The following TLE3 variants were observed in gnomAD, a reference collection of about 807,000 sequenced individuals.
TLE3 encodes TLE family member 3, transcriptional corepressor.
A neutral mutation model predicts 93.0 loss-of-function variants in TLE3; 14 were observed. The observed-to-expected ratio is 0.15, with a 90% confidence interval of 0.10 to 0.24. The LOEUF is 0.24. TLE3 is among the 10% of genes least tolerant of loss of function. The pLI, the probability that TLE3 is intolerant of heterozygous loss-of-function variation, is 1.00. For synonymous variants in TLE3, 451 were observed against 425.0 expected (o/e 1.06, Z -0.75); for missense variants, 693 against 1,046.6 (o/e 0.66, Z 4.66).
intron 8 of TLE3, among the ~76,000 whole-genome samples, chr15:70,062,109 G>A (rs1022254959): frequency 3.9e-5 from 6 of 152,152 alleles, no homozygotes; most frequent in African/African-American, 9.7e-5. Context: ...AGCCCTACCC[G>A]GCCAAGTTTC....
chr15:70,053,081 A>G, intron 17 of TLE3, 146 bp downstream of exon 17: 1 of 1,011,108 alleles, frequency 9.9e-7, no homozygotes, highest in Non-Finnish European at 1.4e-6. Flanking sequence ...TCCTCCAGGA[A>G]GCCTTCCCAG....
At position 70,058,302 on chromosome 15, in the gene TLE3, G is replaced by C. The variant is rs369663931; in HGVS notation, c.919-11C>G. ...GGAGGATTTGTCGTTCTGAAGAGGG[G>C]AGATGCAGAACAAGGGAGGCCATGA... On this transcript the variant is annotated splice_polypyrimidine_tract_variant and intron_variant, in intron 11 of 19. Coordinates refer to ENST00000451782, the MANE Select transcript of TLE3 (RefSeq NM_001105192.3). This position sits in a 1 kb window ranked among gnomAD's most constrained non-coding sequence, Gnocchi z 4.1. 28 of 1,595,718 alleles carry C rather than the reference G, an allele frequency of 1.8e-5. No homozygotes were observed. Among genetic ancestry groups the C allele is most frequent in the Non-Finnish European group, 2.3e-5 (27 of 1,170,264 alleles).
At chr15:70,053,803 C>CCGAGA in intron 16 of TLE3, 1 of 162,494 alleles carries the variant, frequency 6.2e-6, no homozygotes, top group Non-Finnish European at 1.3e-5. Context: ...TTAACTCGCA[C>CCGAGA]TCCACACGCC....
At position 70,049,691 on chromosome 15, in the gene TLE3, A is replaced by AC. The variant is rs10692075; in HGVS notation, c.*405dup. 1.6e-3 allele frequency: 281 copies of AC among 177,968 alleles called. 1 individual carries two copies. The highest frequency in any genetic ancestry group is 2.3e-3 in the Non-Finnish European group (191 of 83,074). The allele number at this position is 177,968 out of a possible 1,614,324, so 11.0% of individuals were successfully genotyped here. A position where few individuals can be genotyped will look rare whatever the true frequency, so the allele number is the denominator to read the frequency against. Reference sequence around the variant, plus strand: ...TGCACTGCACAATCGGCAAAGAGAGACCCCCCCATCCCCCAGCACAACATT... The same window carrying AC: ...TGCACTGCACAATCGGCAAAGAGAGACCCCCCCCATCCCCCAGCACAACATT... On this transcript the variant is annotated 3_prime_UTR_variant, in exon 20 of 20. Coordinates refer to ENST00000451782, the MANE Select transcript of TLE3 (RefSeq NM_001105192.3).
intron 4 of TLE3, among the ~76,000 whole-genome samples, chr15:70,085,565 A>G (rs1483150370): frequency 6.6e-6 from 1 of 152,194 alleles, no homozygotes; most frequent in East Asian, 1.9e-4. Flanking sequence ...AAAACCAGGT[A>G]AAAGAATAGT....
rs887594804 is a variant in TLE3, at chr15:70,049,205, GGA to G, written c.*890_*891del. The G allele has an allele frequency of 1.3e-5, 2 of 152,466 alleles. No homozygotes were observed. Among genetic ancestry groups the G allele is most frequent in the South Asian group, 2.1e-4 (1 of 4,818 alleles). The allele number at this position is 152,466 out of a possible 1,614,324, so 9.4% of individuals were successfully genotyped here. On this transcript the variant is annotated 3_prime_UTR_variant, in exon 20 of 20. Coordinates refer to ENST00000451782, the MANE Select transcript of TLE3 (RefSeq NM_001105192.3). The stretch of plus-strand genomic sequence containing the variant: ...CCAAAGAGAAAGACCAGGCTGAGGA[GGA>G]GAGAGGGAGAGACCAAGAAAGAGAG...
At chr15:70,091,671 A>T (rs1453641427) in intron 4 of TLE3, among the ~76,000 whole-genome samples, 1 of 152,180 alleles carries the variant, frequency 6.6e-6, no homozygotes, top group Non-Finnish European at 1.5e-5. Context: ...AAAGAGAGAG[A>T]CAGAGAAACA....
At chr15:70,067,954 C>T (rs1191707837) in intron 6 of TLE3, among the ~76,000 whole-genome samples, 3 of 152,206 alleles carry the variant, frequency 2.0e-5, no homozygotes, top group African/African-American at 7.2e-5. Context: ...CACTGAGACA[C>T]TATGGCAGAC....
intron 6 of TLE3, among the ~76,000 whole-genome samples, chr15:70,068,313 C>A (rs1027644666): frequency 6.6e-6 from 1 of 152,150 alleles, no homozygotes; most frequent in African/African-American, 2.4e-5. Flanking sequence ...TACTGCTATA[C>A]AGCTTGATTT....
At chr15:70,074,193 G>A (rs1383727660) in intron 6 of TLE3, among the ~76,000 whole-genome samples, 2 of 152,274 alleles carry the variant, frequency 1.3e-5, no homozygotes, top group Non-Finnish European at 2.9e-5. Flanking sequence ...GAGGTGGCCA[G>A]GTACTGGCCA....
At chr15:70,066,254 G>C in intron 6 of TLE3, 36 bp from the exon 7 acceptor site, 1 of 1,451,020 alleles carries the variant, frequency 6.9e-7, no homozygotes, top group Non-Finnish European at 9.1e-7. Flanking sequence ...AGCTGAGTTG[G>C]GGAGGGCAGG....
chr15:70,079,697 T>C (rs2057663557), intron 4 of TLE3, among the ~76,000 whole-genome samples: 2 of 151,754 alleles, frequency 1.3e-5, no homozygotes, highest in Non-Finnish European at 1.5e-5. Context: ...AGGGTGGCGC[T>C]TGGGGGAGGG....
chr15:70,054,736 A>T, intron 15 of TLE3, 51 bp from the exon 16 acceptor site: 1 of 1,505,674 alleles, frequency 6.6e-7, no homozygotes, highest in Non-Finnish European at 8.9e-7. Flanking sequence ...CCTCCTGGGC[A>T]CCAGGAGAGT....
intron 2 of TLE3, chr15:70,095,882 C>G (rs1278277562): frequency 1.6e-6 from 1 of 626,450 alleles, no homozygotes; most frequent in Non-Finnish European, 2.7e-6. Context: ...GGAGTAGGAC[C>G]CTGACGCTGG....
intron 4 of TLE3, among the ~76,000 whole-genome samples, chr15:70,085,308 C>T (rs921429857): frequency 1.5e-4 from 23 of 152,312 alleles, no homozygotes; most frequent in East Asian, 1.4e-3. Flanking sequence ...AGACAAATCT[C>T]CCAGCTTCTG....
At chr15:70,052,082 G>A (rs1474741713) in intron 18 of TLE3, among the ~76,000 whole-genome samples, 1 of 152,160 alleles carries the variant, frequency 6.6e-6, no homozygotes, top group East Asian at 1.9e-4. Flanking sequence ...CCATGGAGAG[G>A]AACTGCCTGC....
intron 4 of TLE3, among the ~76,000 whole-genome samples, chr15:70,078,051 C>T (rs773595586): frequency 1.3e-4 from 20 of 152,326 alleles, no homozygotes; most frequent in South Asian, 6.2e-4. Context: ...CACTGCAGGG[C>T]TTTTAAAAGC....
chr15:70,072,334 G>A (rs909737795), intron 6 of TLE3, among the ~76,000 whole-genome samples: 3 of 152,200 alleles, frequency 2.0e-5, no homozygotes, highest in Non-Finnish European at 4.4e-5. Context: ...AAAGAGGGGG[G>A]CAGAGGGTGA....
chr15:70,082,597 C>T (rs769062384), intron 4 of TLE3, among the ~76,000 whole-genome samples: 12 of 152,216 alleles, frequency 7.9e-5, no homozygotes, highest in South Asian at 2.1e-4. Context: ...ATAACTACAA[C>T]GCCATTAAAT....
Sources: allele counts gnomAD v4.1 joint callset (sites outside exome capture counted in the v4.1 genomes callset), GRCh38; gene constraint gnomAD v4.1.1; non-coding constraint Gnocchi (gnomAD v3.1); transcripts MANE v1.5; gene names NCBI Gene and HGNC (gene_info 2026-07-23, HGNC 2026-07-21).